The following ZNF274 variants were observed in gnomAD, a reference collection of about 807,000 sequenced individuals.
ZNF274 encodes neurotrophin receptor-interacting factor homolog.
ZNF274 carries 23 observed loss-of-function variants against 42.5 expected under a neutral mutation model. That is an observed-to-expected ratio of 0.54 (90% CI 0.39 to 0.77). The LOEUF (loss-of-function observed/expected upper bound fraction) is 0.77, where lower values mean the gene tolerates loss of function less well. Among genes scored for constraint, ZNF274 ranks in the 30% least tolerant of loss-of-function variants. The probability of loss-of-function intolerance (pLI) is 0.00; values close to 1 mark genes in which losing one functional copy is unlikely to be tolerated. For synonymous variants in ZNF274, 292 were observed against 305.4 expected (o/e 0.96, Z 0.46); for missense variants, 679 against 806.5 (o/e 0.84, Z 1.91).
At position 58,183,101 on chromosome 19, in the gene ZNF274, C is replaced by G. The variant is rs1485560979; in HGVS notation, c.-387C>G. On this transcript the variant is annotated 5_prime_UTR_variant, in exon 1 of 8. Coordinates refer to ENST00000617501, the MANE Select transcript of ZNF274 (RefSeq NM_133502.3). ...GCCTGACCCCTGTCCAGCGCCTTTC[C>G]TTTCTCCAGCTTCTGCTCTGCCCCA... The G allele has an allele frequency of 6.6e-6, 1 of 152,634 alleles. No individual in the cohort carries two copies. Among genetic ancestry groups the G allele is most frequent in the African/African-American group, 2.4e-5 (1 of 41,446 alleles). 9.5% of individuals were successfully genotyped at this position (152,634 alleles called of 1,614,324 possible).
At chr19:58,188,033 ATTC>A (rs1397162860) in intron 4 of ZNF274, among the ~76,000 whole-genome samples, 2 of 152,150 alleles carry the variant, frequency 1.3e-5, no homozygotes, top group African/African-American at 4.8e-5. Context: ...CCTCTGCTTT[ATTC>A]TTAACAGCTT....
At chr19:58,195,004 A>AAAT (rs950825952) in intron 4 of ZNF274, among the ~76,000 whole-genome samples, 16 of 149,708 alleles carry the variant, frequency 1.1e-4, no homozygotes, top group African/African-American at 3.9e-4. Flanking sequence ...CCATGTCAAA[A>AAAT]AATAATAATA....
At chr19:58,186,603 G>C (rs970277957) in intron 3 of ZNF274, among the ~76,000 whole-genome samples, 1 of 149,308 alleles carries the variant, frequency 6.7e-6, no homozygotes, top group Non-Finnish European at 1.5e-5. Flanking sequence ...GTTCCCCCTA[G>C]TCATTGCACA....
intron 6 of ZNF274, chr19:58,210,931 G>T (rs1275309654): frequency 6.6e-6 from 1 of 152,348 alleles, no homozygotes; most frequent in Non-Finnish European, 1.5e-5. Flanking sequence ...GGCCAGGCTG[G>T]TCTCGAACTC....
chr19:58,188,619 AAATAT>A (rs1279340322), intron 4 of ZNF274, among the ~76,000 whole-genome samples: 4 of 47,396 alleles, frequency 8.4e-5, no homozygotes, highest in African/African-American at 3.4e-4. Flanking sequence ...AAAAAAAAAA[AAATAT>A]ATATATATAT....
intron 4 of ZNF274, among the ~76,000 whole-genome samples, chr19:58,197,676 G>A (rs747776283): frequency 5.9e-5 from 9 of 152,138 alleles, no homozygotes; most frequent in Non-Finnish European, 1.0e-4. Flanking sequence ...TGAATACAAG[G>A]CCAGGCTTTG....
At position 58,212,097 on chromosome 19, in the gene ZNF274, T is replaced by A; in HGVS notation, c.980-64T>A. On this transcript the variant is annotated intron_variant, in intron 7 of 7. Coordinates refer to ENST00000617501, the MANE Select transcript of ZNF274 (RefSeq NM_133502.3). This position sits in a 1 kb window ranked among gnomAD's most constrained non-coding sequence, Gnocchi z 4.6. ...CTTTTGAACTTAATTATGCATTTCA[T>A]GCTCTCAGACCCATCCCAGCACATC... 3.3e-6 allele frequency: 5 copies of A among 1,508,932 alleles called. No individual in the cohort carries two copies. Among genetic ancestry groups the A allele is most frequent in the Non-Finnish European group, 4.4e-6 (5 of 1,137,258 alleles). 93.5% of individuals were successfully genotyped at this position (1,508,932 alleles called of 1,614,324 possible).
At chr19:58,203,592 A>AG (rs72302729) in intron 4 of ZNF274, among the ~76,000 whole-genome samples, 6 of 104,462 alleles carry the variant, frequency 5.7e-5, no homozygotes, top group African/African-American at 2.3e-4. Flanking sequence ...AAAAAAAAAA[A>AG]AAAAGAAAAA....
At position 58,213,201 on chromosome 19, in the gene ZNF274, C is replaced by G; in HGVS notation, c.*58C>G. The G allele has an allele frequency of 6.5e-7, 1 of 1,537,300 alleles. No individual in the cohort carries two copies. The highest frequency in any genetic ancestry group is 1.8e-4 in the Middle Eastern group (1 of 5,692). On this transcript the variant is annotated 3_prime_UTR_variant, in exon 8 of 8. Transcript: ENST00000617501. ...CAGCTTGACCCTGCAATATAACATGCACAGGCCTGCTTGTGAATCAGGACT... is the reference window on the plus strand; with the variant it reads ...CAGCTTGACCCTGCAATATAACATGGACAGGCCTGCTTGTGAATCAGGACT...
intron 1 of ZNF274, 124 bp downstream of exon 1, chr19:58,183,566 C>G (rs1391352947): frequency 5.4e-6 from 1 of 186,662 alleles, no homozygotes; most frequent in Non-Finnish European, 1.1e-5. Context: ...CCGGCCGTGC[C>G]TGCAGTCCTC....
chr19:58,189,435 C>T (rs1046463490), intron 4 of ZNF274, among the ~76,000 whole-genome samples: 2 of 152,048 alleles, frequency 1.3e-5, no homozygotes, highest in Non-Finnish European at 2.9e-5. Context: ...TTCAGTTTAT[C>T]TGGAATTTCG....
Position 58,213,371 on chromosome 19 carries a change from A to T in ZNF274, c.*228A>T. On this transcript the variant is annotated 3_prime_UTR_variant, in exon 8 of 8. Transcript: ENST00000617501. The stretch of plus-strand genomic sequence containing the variant: ...AAAAAAGATTTCCCATTCACTTGAT[A>T]TTGTTTGTTCACTCATTTAGTCATT... 2.0e-6 allele frequency: 1 copy of T among 493,252 alleles called. No homozygotes were observed. The highest frequency in any genetic ancestry group is 3.4e-6 in the Non-Finnish European group (1 of 290,784). 30.6% of individuals were successfully genotyped at this position (493,252 alleles called of 1,614,324 possible).
In ZNF274 at chr19:58,184,014, C is replaced by A. The variant is rs1027286289; in HGVS notation, c.33+16C>A. On this transcript the variant is annotated intron_variant, in intron 2 of 7. Transcript: ENST00000617501. Reference sequence around the variant, plus strand: ...CTGGTCCTGTGTGAGTAGAGGCTTCCTTCAGCTTTTGAGTCCGCTACTGCA... The same window carrying A: ...CTGGTCCTGTGTGAGTAGAGGCTTCATTCAGCTTTTGAGTCCGCTACTGCA... 1 of 1,587,516 alleles carries A rather than the reference C, an allele frequency of 6.3e-7. No individual in the cohort carries two copies. The highest frequency in any genetic ancestry group is 8.6e-7 in the Non-Finnish European group (1 of 1,166,766).
intron 4 of ZNF274, among the ~76,000 whole-genome samples, chr19:58,190,141 T>G (rs922261061): frequency 2.0e-4 from 30 of 150,370 alleles, no homozygotes; most frequent in African/African-American, 6.8e-4. Flanking sequence ...AAAAAAAAAT[T>G]TATCTCTCTC....
chr19:58,198,932 C>T (rs932786038), intron 4 of ZNF274, among the ~76,000 whole-genome samples: 2 of 151,206 alleles, frequency 1.3e-5, no homozygotes, highest in East Asian at 1.9e-4. Flanking sequence ...CATCTCAGCA[C>T]CTTGGGAGGG....
chr19:58,188,694 G>GTGTATATATATATATA (rs1555816897), intron 4 of ZNF274, among the ~76,000 whole-genome samples: 6 of 74,656 alleles, frequency 8.0e-5, no homozygotes, highest in African/African-American at 3.2e-4. Context: ...ATATGTATAT[G>GTGTATATATATATATA]TATATATATA....
chr19:58,194,371 C>CTTTTTTTTT (rs766266627), intron 4 of ZNF274, among the ~76,000 whole-genome samples: 9 of 64,176 alleles, frequency 1.4e-4, no homozygotes, highest in Admixed American at 2.5e-4. Context: ...TGTTTTTTAC[C>CTTTTTTTTT]TTTTTTTTTT....
At chr19:58,186,052 C>A (rs1382207793) in intron 3 of ZNF274, 1 of 314,794 alleles carries the variant, frequency 3.2e-6, no homozygotes, top group Non-Finnish European at 5.8e-6. Flanking sequence ...GTAGTGGATG[C>A]TTATTGTTCT....
At chr19:58,188,724 A>ATGT (rs2075743381) in intron 4 of ZNF274, among the ~76,000 whole-genome samples, 2 of 128,650 alleles carry the variant, frequency 1.6e-5, no homozygotes, top group Non-Finnish European at 3.3e-5. Context: ...ATATATATAT[A>ATGT]AATCTTTAAA....
Sources: gnomAD v4.1 joint callset for allele counts (sites outside exome capture counted in the v4.1 genomes callset) on GRCh38, gnomAD v4.1.1 for gene constraint, Gnocchi (gnomAD v3.1) non-coding constraint, MANE v1.5 for transcripts, NCBI Gene and HGNC (gene_info 2026-07-23, HGNC 2026-07-21) for gene names.